Variants in PCBP3 observed in about 807,000 individuals in gnomAD.
PCBP3 encodes the protein poly(rC)-binding protein 3.
Under a neutral mutation model 52.7 loss-of-function variants are expected in PCBP3, and 25 were observed. The observed-to-expected ratio is 0.47, with a 90% CI of 0.35 to 0.66. The LOEUF is 0.66. PCBP3 is among the 30% of genes least tolerant of loss of function. The pLI is 0.01. For synonymous variants in PCBP3, 162 were observed against 183.0 expected, an observed-to-expected ratio of 0.89 and a Z score of 0.93; for missense variants, 391 against 490.3, an observed-to-expected ratio of 0.80 and a Z score of 1.91.
At chr21:45,940,522 C>T (rs929652700) in intron 17 of PCBP3, among the ~76,000 whole-genome samples, 1 of 152,236 alleles carries the variant, frequency 6.6e-6, no homozygotes, top group African/African-American at 2.4e-5. Context: ...GACTCTTGTC[C>T]GCTCAGAGGT....
chr21:45,912,940 T>C (rs1041769209), intron 11 of PCBP3, among the ~76,000 whole-genome samples: 1 of 152,092 alleles, frequency 6.6e-6, no homozygotes, highest in Non-Finnish European at 1.5e-5. Context: ...TCTTGGGGCT[T>C]TGAGTGTGAG....
intron 2 of PCBP3, among the ~76,000 whole-genome samples, chr21:45,706,262 C>T (rs1008956342): frequency 8.5e-5 from 13 of 152,324 alleles, no homozygotes; most frequent in Non-Finnish European, 1.6e-4. Flanking sequence ...GCCCTGACAT[C>T]ACTGTGTAGC....
chr21:45,885,124 C>T (rs2095487650), intron 5 of PCBP3, among the ~76,000 whole-genome samples: 1 of 152,216 alleles, frequency 6.6e-6, no homozygotes, highest in Non-Finnish European at 1.5e-5. Context: ...CATTTTCCTT[C>T]ATCCCATAAT....
chr21:45,744,808 T>G (rs901285180), intron 3 of PCBP3, among the ~76,000 whole-genome samples: 3 of 152,268 alleles, frequency 2.0e-5, no homozygotes, highest in Non-Finnish European at 4.4e-5. Context: ...TTATATGTAC[T>G]GACCTGTTGT....
At chr21:45,644,481 T>C (rs1208682272) in intron 1 of PCBP3, among the ~76,000 whole-genome samples, 1 of 150,946 alleles carries the variant, frequency 6.6e-6, no homozygotes, top group Non-Finnish European at 1.5e-5. Context: ...CGTGTTCTAA[T>C]TGGAAGTCTT....
At chr21:45,809,289 G>A (rs2092608244) in intron 4 of PCBP3, among the ~76,000 whole-genome samples, 5 of 152,152 alleles carry the variant, frequency 3.3e-5, no homozygotes, top group Admixed American at 2.6e-4. Flanking sequence ...TTATCTTTCT[G>A]CATTTCCATC....
Position 45,888,461 on chromosome 21 carries a change from C to T in PCBP3, c.11-7747C>T, listed in dbSNP as rs563980806. 1.4e-3 allele frequency among the ~76,000 whole-genome samples: 206 copies of T among 152,356 alleles called. 1 individual carries two copies. Among genetic ancestry groups the T allele is most frequent in the South Asian group, 3.3e-3 (16 of 4,828 alleles). On this transcript the variant is annotated intron_variant, in intron 5 of 17. Transcript: ENST00000681687. ...CCTGCTCCTGTAGTCCCACCTCCCA[C>T]GCCACAGCAGGGTGAACTGGCCCCT...
intron 5 of PCBP3, among the ~76,000 whole-genome samples, chr21:45,888,840 G>T (rs912765904): frequency 6.6e-6 from 1 of 152,148 alleles, no homozygotes; most frequent in Non-Finnish European, 1.5e-5. Flanking sequence ...AACACACGTG[G>T]ACAGTATCTA....
chr21:45,763,269 G>T (rs1275912573), intron 4 of PCBP3: 1 of 152,208 alleles, frequency 6.6e-6, no homozygotes, highest in Non-Finnish European at 1.5e-5. Context: ...TCTATTTCTG[G>T]CTTAGAATGT....
chr21:45,832,379 C>A (rs1196749655), intron 4 of PCBP3, among the ~76,000 whole-genome samples: 1 of 152,144 alleles, frequency 6.6e-6, no homozygotes, highest in Non-Finnish European at 1.5e-5. Flanking sequence ...TGCTGACCTC[C>A]TATCTCATCC....
At chr21:45,826,223 A>T (rs1006364983) in intron 4 of PCBP3, among the ~76,000 whole-genome samples, 1 of 151,752 alleles carries the variant, frequency 6.6e-6, no homozygotes, top group Admixed American at 6.6e-5. Flanking sequence ...GCGGCATTGC[A>T]CTCCAGCCTG....
chr21:45,676,897 G>A (rs1386927999), intron 2 of PCBP3, among the ~76,000 whole-genome samples: 1 of 151,878 alleles, frequency 6.6e-6, no homozygotes, highest in Non-Finnish European at 1.5e-5. Context: ...TCAGCCTCCC[G>A]AGTAGCTGGG....
At chr21:45,720,232 CT>C (rs1300665502) in intron 2 of PCBP3, among the ~76,000 whole-genome samples, 12 of 152,098 alleles carry the variant, frequency 7.9e-5, no homozygotes, top group Non-Finnish European at 1.6e-4. Context: ...CCCCGACCCC[CT>C]GACAGGCCCC....
rs2091337287 is a variant in PCBP3, at chr21:45,788,862, TCTC to T, written c.-126+33414_-126+33416del. 1 of 152,198 alleles carries T rather than the reference TCTC, an allele frequency of 6.6e-6. No homozygotes were observed. The highest frequency in any genetic ancestry group is 2.4e-5 in the African/African-American group (1 of 41,446). 9.4% of individuals were successfully genotyped at this position (152,198 alleles called of 1,614,324 possible). A position where few individuals can be genotyped will look rare whatever the true frequency, so the allele number is the denominator to read the frequency against. On this transcript the variant is annotated intron_variant, in intron 4 of 17. Coordinates refer to ENST00000681687, the MANE Select transcript of PCBP3 (RefSeq NM_001384156.1). This position sits in a 1 kb window ranked among gnomAD's most constrained non-coding sequence, Gnocchi z 4.3. ...AATGACTCACCAGTCACAGGGCAGT[TCTC>T]CTCAGGTTAGAAACACAGTGGAGCT... is the stretch of plus-strand genomic sequence containing the variant.
intron 5 of PCBP3, among the ~76,000 whole-genome samples, chr21:45,860,017 C>T (rs1305344208): frequency 6.6e-6 from 1 of 152,200 alleles, no homozygotes; most frequent in Non-Finnish European, 1.5e-5. Flanking sequence ...GACAAATGCA[C>T]CCAGGAGTCA....
chr21:45,720,444 C>A (rs2084548824), intron 2 of PCBP3, among the ~76,000 whole-genome samples: 1 of 152,004 alleles, frequency 6.6e-6, no homozygotes, highest in Non-Finnish European at 1.5e-5. Flanking sequence ...ATATATGTGC[C>A]ACATTTTCTT....
Position 45,678,899 on chromosome 21 carries a change from C to T in PCBP3, c.-200+9947C>T, listed in dbSNP as rs370449448. ...CATCACATGCTACAGAGAAAACTTT[C>T]GTGAAAGGAAGAGTCCATTGATGTG... On this transcript the variant is annotated intron_variant, in intron 2 of 17. Transcript: ENST00000681687. Among the ~76,000 whole-genome samples the T allele has an allele frequency of 2.0e-5, 3 of 152,030 alleles. No homozygotes were observed. The East Asian group carries it at 5.8e-4, about 29-fold the overall frequency.
chr21:45,926,399 A>T (rs1447462541), intron 13 of PCBP3, among the ~76,000 whole-genome samples: 1 of 152,200 alleles, frequency 6.6e-6, no homozygotes, highest in African/African-American at 2.4e-5. Flanking sequence ...ATTTTAGTGT[A>T]TTCCTTCTAA....
chr21:45,850,219 C>A, intron 5 of PCBP3, 124 bp downstream of exon 5: 1 of 811,406 alleles, frequency 1.2e-6, no homozygotes, highest in South Asian at 1.5e-5. Context: ...CACCCTGCTT[C>A]AGTCCACAAT....
Sources: gnomAD v4.1 joint callset for allele counts (sites outside exome capture counted in the v4.1 genomes callset) on GRCh38, gnomAD v4.1.1 for gene constraint, Gnocchi (gnomAD v3.1) non-coding constraint, MANE v1.5 for transcripts, NCBI Gene and HGNC (gene_info 2026-07-23, HGNC 2026-07-21) for gene names.